Variants in STMN2 observed in about 807,000 individuals in gnomAD.
STMN2 encodes the protein stathmin-2.
Under a neutral mutation model 24.1 loss-of-function variants are expected in STMN2, and 2 were observed. The ratio of observed to expected loss-of-function variants is 0.08; its 90% CI spans 0.03 to 0.26. The LOEUF (loss-of-function observed/expected upper bound fraction) is 0.26. STMN2 is among the 10% of genes least tolerant of loss of function. The pLI, the probability that STMN2 is intolerant of heterozygous loss-of-function variation, is 1.00. For missense variants in STMN2, 114 were observed against 213.6 expected (o/e 0.53, Z 2.91); for synonymous variants, 83 against 77.5 (o/e 1.07, Z -0.37).
At chr8:79,645,512 A>C (rs2130367914) in intron 3 of STMN2, among the ~76,000 whole-genome samples, 1 of 152,344 alleles carries the variant, frequency 6.6e-6, no homozygotes, top group East Asian at 1.9e-4. Context: ...TTTTAGGCCT[A>C]AGTTTTTAAA....
chr8:79,665,785 T>C lies in STMN2; in HGVS notation c.*911T>C, dbSNP rs1806585328. 6.5e-6 allele frequency: 1 copy of C among 153,038 alleles called. No individual in the cohort carries two copies. The highest frequency in any genetic ancestry group is 2.1e-4 in the South Asian group (1 of 4,864). 9.5% of individuals were successfully genotyped at this position (153,038 alleles called of 1,614,324 possible). On this transcript the variant is annotated 3_prime_UTR_variant, in exon 5 of 5. Transcript: ENST00000220876. ...ACAAGTACATGATGCTACTGAATAT[T>C]TTTCCACTTGGAAACTGTGAGCTGG...
At chr8:79,642,495 C>T (rs534126225) in intron 3 of STMN2, among the ~76,000 whole-genome samples, 15 of 152,252 alleles carry the variant, frequency 9.9e-5, no homozygotes, top group Middle Eastern at 3.4e-3. Flanking sequence ...ATCAGGTAAT[C>T]ACTAAGAACA....
In STMN2 at chr8:79,665,283, T is replaced by C. The variant is rs143832084; in HGVS notation, c.*409T>C. 4.4e-3 allele frequency: 694 copies of C among 158,632 alleles called. 4 individuals are homozygous for C. The highest frequency in any genetic ancestry group is 0.016 in the African/African-American group (666 of 41,618). The allele number at this position is 158,632 out of a possible 1,614,324, so 9.8% of individuals were successfully genotyped here. ...AAAAATGAGGTCAGTAGACAGTCTA[T>C]GGTGCTAGAAACCCACCATTGCCTA... On this transcript the variant is annotated 3_prime_UTR_variant, in exon 5 of 5. Coordinates refer to ENST00000220876, the MANE Select transcript of STMN2 (RefSeq NM_007029.4).
intron 3 of STMN2, among the ~76,000 whole-genome samples, chr8:79,653,985 A>G (rs1209291414): frequency 1.3e-5 from 2 of 152,226 alleles, no homozygotes; most frequent in Non-Finnish European, 2.9e-5. Flanking sequence ...ATCAAAGCCC[A>G]TGCCAGTATG....
intron 4 of STMN2, chr8:79,663,640 C>G: frequency 6.5e-7 from 1 of 1,530,338 alleles, no homozygotes; most frequent in Non-Finnish European, 8.7e-7. Context: ...TCTGGAGCTT[C>G]AGAGGGAAGG....
chr8:79,657,813 A>G (rs978902474), intron 4 of STMN2, among the ~76,000 whole-genome samples: 3 of 152,252 alleles, frequency 2.0e-5, no homozygotes, highest in Non-Finnish European at 4.4e-5. Context: ...TGTGTATACT[A>G]AAACTACTTT....
chr8:79,664,375 G>A (rs1239397356), intron 4 of STMN2, among the ~76,000 whole-genome samples: 1 of 152,184 alleles, frequency 6.6e-6, no homozygotes, highest in Non-Finnish European at 1.5e-5. Flanking sequence ...TGACAAACAG[G>A]TCAAGAGTTT....
At chr8:79,636,121 G>T (rs571831318) in intron 1 of STMN2, among the ~76,000 whole-genome samples, 2 of 152,098 alleles carry the variant, frequency 1.3e-5, no homozygotes, top group Non-Finnish European at 2.9e-5. Flanking sequence ...GGAGGCTGAG[G>T]GGGGAACATC....
At chr8:79,634,159 G>T (rs77888979) in intron 1 of STMN2, among the ~76,000 whole-genome samples, 1,678 of 152,168 alleles carry the variant, frequency 0.011, 15 homozygotes, top group Non-Finnish European at 0.017. Context: ...TTCCAAAAAA[G>T]GTACCAGCCT....
intron 3 of STMN2, among the ~76,000 whole-genome samples, chr8:79,642,012 G>A (rs757523171): frequency 1.3e-5 from 2 of 152,034 alleles, no homozygotes; most frequent in African/African-American, 4.8e-5. Flanking sequence ...GGTTTTCCTT[G>A]GAATTACAAA....
chr8:79,645,896 T>G (rs1291862079), intron 3 of STMN2, among the ~76,000 whole-genome samples: 2 of 152,344 alleles, frequency 1.3e-5, no homozygotes, highest in African/African-American at 4.8e-5. Flanking sequence ...TATATGCATA[T>G]GTATTTATTT....
At chr8:79,640,059 G>A (rs987756271) in intron 2 of STMN2, among the ~76,000 whole-genome samples, 1 of 152,182 alleles carries the variant, frequency 6.6e-6, no homozygotes, top group Non-Finnish European at 1.5e-5. Context: ...AATTAGCTGA[G>A]TGTGGTGGTA....
chr8:79,656,177 G>T (rs1168961396), intron 4 of STMN2, among the ~76,000 whole-genome samples: 2 of 152,144 alleles, frequency 1.3e-5, no homozygotes, highest in African/African-American at 4.8e-5. Context: ...AGATATAATT[G>T]CATGGAGATC....
chr8:79,631,293 T>C (rs1809796909), intron 1 of STMN2: 1 of 271,446 alleles, frequency 3.7e-6, no homozygotes, highest in Admixed American at 6.5e-5. Context: ...AGTGATGGGT[T>C]GTACTGCTTT....
chr8:79,618,475 A>T (rs1809434853), intron 1 of STMN2, among the ~76,000 whole-genome samples: 1 of 152,216 alleles, frequency 6.6e-6, no homozygotes. Flanking sequence ...TTTAGTTTTA[A>T]CATTTTGTTG....
chr8:79,651,395 G>A (rs1388175725), intron 3 of STMN2, among the ~76,000 whole-genome samples: 1 of 152,182 alleles, frequency 6.6e-6, no homozygotes, highest in Non-Finnish European at 1.5e-5. Flanking sequence ...TGAGCCAAAT[G>A]TTGCACTCCA....
intron 3 of STMN2, among the ~76,000 whole-genome samples, chr8:79,652,650 A>G (rs1810358562): frequency 6.6e-6 from 1 of 152,092 alleles, no homozygotes. Flanking sequence ...TGCTTTTGAT[A>G]ATAATGATTA....
rs1563447825 is a variant in STMN2, at chr8:79,655,579, A to G, written c.480+517A>G. 2.6e-5 allele frequency among the ~76,000 whole-genome samples: 4 copies of G among 152,184 alleles called. No homozygotes were observed. The South Asian group carries it at 6.2e-4, about 24-fold the overall frequency. ...GGGTATAATAGCATCACATGGGACCATAGCAAAGATTAGCTCATAGGGGAT... is the reference window on the plus strand; with the variant it reads ...GGGTATAATAGCATCACATGGGACCGTAGCAAAGATTAGCTCATAGGGGAT... On this transcript the variant is annotated intron_variant, in intron 4 of 4. Coordinates refer to ENST00000220876, the MANE Select transcript of STMN2 (RefSeq NM_007029.4).
At chr8:79,631,993 G>A (rs1297733399) in intron 1 of STMN2, among the ~76,000 whole-genome samples, 2 of 152,220 alleles carry the variant, frequency 1.3e-5, no homozygotes, top group African/African-American at 4.8e-5. Flanking sequence ...AGAATTAGGA[G>A]AGGAGCAGTG....
Sources: gnomAD v4.1 joint callset for allele counts (sites outside exome capture counted in the v4.1 genomes callset) on GRCh38, gnomAD v4.1.1 for gene constraint, MANE v1.5 for transcripts, NCBI Gene and HGNC (gene_info 2026-07-23, HGNC 2026-07-21) for gene names.